The following VEGFD variants were observed in gnomAD, a reference collection of about 807,000 sequenced individuals.
VEGFD encodes the protein vascular endothelial growth factor D, also known as c-fos induced growth factor (vascular endothelial growth factor D).
Under a neutral mutation model 28.0 loss-of-function variants are expected in VEGFD, and 26 were observed. The ratio of observed to expected loss-of-function variants is 0.93; its 90% CI spans 0.68 to 1.29. The LOEUF (loss-of-function observed/expected upper bound fraction) is 1.29. VEGFD is among the 50% of genes most tolerant of loss of function. The pLI is 0.00. For synonymous variants in VEGFD, 93 were observed against 95.5 expected, an observed-to-expected ratio of 0.97 and a Z score of 0.15; for missense variants, 294 against 273.4, an observed-to-expected ratio of 1.08 and a Z score of -0.53.
chrX:15,357,474 C>T (rs1227046807), intron 3 of VEGFD, among the ~76,000 whole-genome samples: 1 of 111,620 alleles, frequency 9.0e-6, no homozygotes, highest in Non-Finnish European at 1.9e-5. Context: ...GTTCCCATAA[C>T]TGCTCCCTCC....
chrX:15,357,955 A>G (rs749670762), intron 3 of VEGFD, 48 bp downstream of exon 3: 41 of 1,102,742 alleles, frequency 3.7e-5, no homozygotes, highest in Non-Finnish European at 4.9e-5. Flanking sequence ...TATCAACACT[A>G]TTATCATCAG....
intron 5 of VEGFD, among the ~76,000 whole-genome samples, chrX:15,351,282 AT>A (rs748073409): frequency 6.1e-5 from 6 of 98,735 alleles, no homozygotes; most frequent in African/African-American, 1.1e-4. Flanking sequence ...CGCCCGGCTA[AT>A]TTTTTTTTTG....
At chrX:15,357,500 C>T (rs1025834666) in intron 3 of VEGFD, among the ~76,000 whole-genome samples, 5 of 111,564 alleles carry the variant, frequency 4.5e-5, no homozygotes, top group African/African-American at 9.8e-5. Flanking sequence ...TCTCCTCAGT[C>T]GAAGGGTGGG....
At chrX:15,376,803 T>C (rs1321091625) in intron 1 of VEGFD, among the ~76,000 whole-genome samples, 1 of 111,809 alleles carries the variant, frequency 8.9e-6, no homozygotes, top group Admixed American at 9.5e-5. Context: ...CACTCTGTTC[T>C]TTTTGTGAGT....
chrX:15,376,332 T>C (rs1197233689), intron 1 of VEGFD, among the ~76,000 whole-genome samples: 4 of 111,703 alleles, frequency 3.6e-5, no homozygotes, highest in Non-Finnish European at 7.5e-5. Flanking sequence ...GAGAGACACC[T>C]GGGGCTGACC....
At chrX:15,354,941 G>A (rs963576508) in intron 4 of VEGFD, among the ~76,000 whole-genome samples, 2 of 111,524 alleles carry the variant, frequency 1.8e-5, no homozygotes, top group Admixed American at 9.5e-5. Context: ...ATACCACTGA[G>A]CGTTTTGGTC....
chrX:15,366,262 G>A (rs1347114000), intron 1 of VEGFD, among the ~76,000 whole-genome samples: 8 of 111,770 alleles, frequency 7.2e-5, no homozygotes, highest in Non-Finnish European at 1.5e-4. Context: ...CACCCACCTC[G>A]GCCTCCCACA....
At chrX:15,358,629 A>T (rs926038879) in intron 2 of VEGFD, among the ~76,000 whole-genome samples, 1 of 112,251 alleles carries the variant, frequency 8.9e-6, no homozygotes, top group African/African-American at 3.2e-5. Flanking sequence ...ATCAAGAAAT[A>T]TGTTTCTGTT....
At chrX:15,370,092 C>T (rs926113041) in intron 1 of VEGFD, among the ~76,000 whole-genome samples, 4 of 111,341 alleles carry the variant, frequency 3.6e-5, no homozygotes, top group African/African-American at 1.3e-4. Context: ...TCCTCCATAA[C>T]TCCCACCCCT....
intron 1 of VEGFD, among the ~76,000 whole-genome samples, chrX:15,368,640 T>TA (rs1466020411): frequency 2.7e-5 from 3 of 112,403 alleles, no homozygotes; most frequent in African/African-American, 9.7e-5. Flanking sequence ...AAATAACAAT[T>TA]AAAAATGTGT....
chrX:15,368,999 C>T (rs1304796804), intron 1 of VEGFD, among the ~76,000 whole-genome samples: 5 of 111,973 alleles, frequency 4.5e-5, no homozygotes, highest in Non-Finnish European at 1.9e-5. Flanking sequence ...AATGTATGCT[C>T]CTTTCTGTGG....
intron 3 of VEGFD, among the ~76,000 whole-genome samples, chrX:15,356,132 C>T (rs1165453124): frequency 8.9e-6 from 1 of 112,251 alleles, no homozygotes; most frequent in Admixed American, 9.4e-5. Context: ...AACTCATTTA[C>T]CCCTTATAAC....
At chrX:15,382,553 C>T (rs1282949625) in intron 1 of VEGFD, among the ~76,000 whole-genome samples, 1 of 111,447 alleles carries the variant, frequency 9.0e-6, no homozygotes, top group Non-Finnish European at 1.9e-5. Flanking sequence ...CATGAACTTA[C>T]GAAAAAGCTG....
At chrX:15,346,350 C>T in intron 6 of VEGFD, 91 bp from the exon 7 acceptor site, 1 of 1,001,323 alleles carries the variant, frequency 1.0e-6, no homozygotes, top group Non-Finnish European at 1.4e-6. Flanking sequence ...GTTTTCCAGA[C>T]ATGTATTTAA....
intron 1 of VEGFD, among the ~76,000 whole-genome samples, chrX:15,370,580 A>C (rs1209748717): frequency 8.9e-6 from 1 of 111,962 alleles, no homozygotes; most frequent in Non-Finnish European, 1.9e-5. Context: ...CACGTAATAC[A>C]TATCTGATGA....
In VEGFD at chrX:15,363,294, C is replaced by T. The variant is rs1195037238; in HGVS notation, c.116G>A (p.Arg39Gln). The change falls in exon 2 of 7, where the codon CGA becomes CAA. Residue 39 changes from arginine (R) to glutamine (Q), a missense_variant. Coordinates refer to ENST00000297904, the MANE Select transcript of VEGFD (RefSeq NM_004469.5). ...VKRSSQSTLE[R>Q]SEQQIRAASS... ...AGCAGCCCTGATCTGCTGTTCAGAT[C>T]GTTCCAATGTGGACTGAGATGATCG... The T allele has an allele frequency of 3.3e-6, 4 of 1,210,785 alleles. No individual in the cohort carries two copies. Among genetic ancestry groups the T allele is most frequent in the Non-Finnish European group, 3.4e-6 (3 of 894,853 alleles).
rs1248283158 is a variant in VEGFD, at chrX:15,384,327, G to A, written c.-381C>T. On this transcript the variant is annotated 5_prime_UTR_variant, in exon 1 of 7. Coordinates refer to ENST00000297904, the MANE Select transcript of VEGFD (RefSeq NM_004469.5). ...GTAAGGAGGTGGTGTGGCCACCAAT[G>A]CTTACAGCTACAGAAAGCTGGAACC... is the stretch of plus-strand genomic sequence containing the variant. The A allele has an allele frequency of 7.6e-6, 1 of 131,928 alleles. No individual in the cohort carries two copies. The highest frequency in any genetic ancestry group is 1.5e-5 in the Non-Finnish European group (1 of 66,670). 10.9% of individuals were successfully genotyped at this position (131,928 alleles called of 1,213,427 possible).
intron 2 of VEGFD, among the ~76,000 whole-genome samples, chrX:15,362,021 G>A (rs771503917): frequency 4.5e-5 from 5 of 109,947 alleles, no homozygotes; most frequent in African/African-American, 6.7e-5. Context: ...GGCATGCACC[G>A]CCATGCCTGG....
chrX:15,371,402 G>T (rs1923305182), intron 1 of VEGFD, among the ~76,000 whole-genome samples: 1 of 111,699 alleles, frequency 9.0e-6, no homozygotes, highest in Non-Finnish European at 1.9e-5. Flanking sequence ...TAAGAAAGAT[G>T]ATATATCCTA....
Sources: gnomAD v4.1 joint callset for allele counts (sites outside exome capture counted in the v4.1 genomes callset) on GRCh38, gnomAD v4.1.1 for gene constraint, MANE v1.5 for transcripts, NCBI Gene and HGNC (gene_info 2026-07-23, HGNC 2026-07-21) for gene names.